Variants in PTK2B observed in about 807,000 individuals in gnomAD.
The protein encoded by PTK2B is protein tyrosine kinase 2 beta.
Under a neutral mutation model 142.9 loss-of-function variants are expected in PTK2B, and 71 were observed. The ratio of observed to expected loss-of-function variants is 0.50; its 90% confidence interval spans 0.41 to 0.61. The LOEUF (loss-of-function observed/expected upper bound fraction) is 0.61. Among genes scored for constraint, PTK2B ranks in the 20% least tolerant of loss-of-function variants. The probability of loss-of-function intolerance (pLI) is 0.00; values close to 1 mark genes in which losing one functional copy is unlikely to be tolerated. For missense variants in PTK2B, 1,105 were observed against 1,320.4 expected (o/e 0.84, Z 2.53); for synonymous variants, 519 against 503.4 (o/e 1.03, Z -0.42).
chr8:27,451,814 T>C, intron 27 of PTK2B: 2 of 1,263,828 alleles, frequency 1.6e-6, no homozygotes, highest in South Asian at 3.9e-5. Context: ...CCTCATTTCC[T>C]GCTCTGTTGG....
intron 1 of PTK2B, among the ~76,000 whole-genome samples, chr8:27,369,441 G>T (rs191934977): frequency 1.3e-5 from 2 of 152,128 alleles, no homozygotes; most frequent in Admixed American, 6.5e-5. Context: ...AGGCCGAGGA[G>T]GGTGGATCAC....
rs189404707 is a variant in PTK2B at position 27,329,225 on chromosome 8, C to T, written c.-38+3544C>T. On this transcript the variant is annotated intron_variant, in intron 1 of 30. Transcript: ENST00000346049. The stretch of plus-strand genomic sequence containing the variant: ...TGCTAGGATTACAGGTGTGAGCCAC[C>T]GCGTCTGGCTGTATGCAATCTTTCT... 1.8e-4 allele frequency among the ~76,000 whole-genome samples: 27 copies of T among 152,150 alleles called. No homozygotes were observed. In the South Asian group the frequency reaches 2.7e-3, roughly 15 times the overall value.
chr8:27,452,755 C>T (rs770909179), intron 27 of PTK2B: 1 of 272,922 alleles, frequency 3.7e-6, no homozygotes, highest in East Asian at 7.0e-5. Flanking sequence ...GCACCACAGA[C>T]ACCTGCTGGC....
In PTK2B at chr8:27,459,239, C is replaced by T. The variant is rs1053374976; in HGVS notation, c.*730C>T. ...TCTTTCTCTTTCTTCCTTTACTTTC[C>T]CTTGCTTTTCCCTCTTTTCTTACTC... On this transcript the variant is annotated 3_prime_UTR_variant, in exon 31 of 31. Transcript: ENST00000346049. 5 of 233,804 alleles carry T rather than the reference C, an allele frequency of 2.1e-5. No individual in the cohort carries two copies. Among genetic ancestry groups the T allele is most frequent in the Non-Finnish European group, 3.4e-5 (4 of 118,566 alleles). 14.5% of individuals were successfully genotyped at this position (233,804 alleles called of 1,614,324 possible).
intron 1 of PTK2B, among the ~76,000 whole-genome samples, chr8:27,383,700 G>A (rs1208161748): frequency 6.6e-6 from 1 of 151,828 alleles, no homozygotes; most frequent in Non-Finnish European, 1.5e-5. Context: ...GTTTAGTTTT[G>A]TTTTAGATAA....
intron 2 of PTK2B, among the ~76,000 whole-genome samples, chr8:27,401,414 CTTTG>C (rs1001826777): frequency 8.5e-5 from 13 of 152,248 alleles, no homozygotes; most frequent in Middle Eastern, 6.8e-3. Flanking sequence ...CAGGAATCAT[CTTTG>C]TTTGGGCAAT....
chr8:27,333,207 C>T (rs1304407163), intron 1 of PTK2B, among the ~76,000 whole-genome samples: 2 of 152,120 alleles, frequency 1.3e-5, no homozygotes, highest in East Asian at 3.9e-4. Context: ...GTTTGAGTGA[C>T]TCATTTTGGG....
intron 1 of PTK2B, among the ~76,000 whole-genome samples, chr8:27,371,075 T>C (rs1211689169): frequency 1.3e-5 from 2 of 152,146 alleles, no homozygotes; most frequent in Non-Finnish European, 2.9e-5. Flanking sequence ...TTTATATTTT[T>C]AGTAGAGACC....
At chr8:27,321,259 G>T (rs1185852625), upstream of PTK2B, among the ~76,000 whole-genome samples, 3 of 152,054 alleles carry the variant, frequency 2.0e-5, no homozygotes, top group Non-Finnish European at 4.4e-5. Flanking sequence ...GCCTCTCAAA[G>T]TGTTTGGATT....
At chr8:27,405,899 G>T (rs1449752427) in intron 2 of PTK2B, among the ~76,000 whole-genome samples, 1 of 152,226 alleles carries the variant, frequency 6.6e-6, no homozygotes, top group Non-Finnish European at 1.5e-5. Context: ...TCCCTTACAT[G>T]TGTTGCAAAC....
chr8:27,333,949 C>T (rs150000857), intron 1 of PTK2B, among the ~76,000 whole-genome samples: 3 of 152,196 alleles, frequency 2.0e-5, no homozygotes, highest in Non-Finnish European at 4.4e-5. Flanking sequence ...AATTAAACTC[C>T]TCCTTTTCTC....
intron 1 of PTK2B, among the ~76,000 whole-genome samples, chr8:27,333,143 G>T (rs1803860168): frequency 1.3e-5 from 2 of 152,184 alleles, no homozygotes; most frequent in African/African-American, 2.4e-5. Flanking sequence ...AACTTGAGAT[G>T]GTGGCTGTAG....
In PTK2B at chr8:27,397,649, C is replaced by A; in HGVS notation, c.65C>A (p.Pro22His). The change falls in exon 2 of 31, where the codon CCT becomes CAT. Residue 22 changes from proline to histidine, a missense_variant. By Grantham distance (77) the Pro-to-His change is moderately conservative. Coordinates refer to ENST00000346049, the MANE Select transcript of PTK2B (RefSeq NM_173176.3). ...GGCACGTTACGCCGGCCTGAAGGCCCTGCAGAGCCCATGGTGGTGGTACCA... is the reference window on the plus strand; with the variant it reads ...GGCACGTTACGCCGGCCTGAAGGCCATGCAGAGCCCATGGTGGTGGTACCA... ...KLGTLRRPEG[P>H]AEPMVVVPVD... 6.2e-7 allele frequency: 1 copy of A among 1,614,262 alleles called. No homozygotes were observed. Among genetic ancestry groups the A allele is most frequent in the Non-Finnish European group, 8.5e-7 (1 of 1,180,046 alleles).
chr8:27,366,378 G>A (rs1806020111), intron 1 of PTK2B, among the ~76,000 whole-genome samples: 1 of 152,180 alleles, frequency 6.6e-6, no homozygotes, highest in South Asian at 2.1e-4. Context: ...TGTCTCCTAT[G>A]TGTACAAAGC....
At chr8:27,450,615 C>T (rs1811743038) in intron 24 of PTK2B, 134 bp from the exon 25 acceptor site, 2 of 1,147,032 alleles carry the variant, frequency 1.7e-6, no homozygotes, top group Admixed American at 5.2e-5. Context: ...GGTTTAAGAA[C>T]AAACTTATGA....
chr8:27,341,880 T>C (rs1054358165), intron 1 of PTK2B, among the ~76,000 whole-genome samples: 2 of 152,152 alleles, frequency 1.3e-5, no homozygotes, highest in Admixed American at 6.5e-5. Flanking sequence ...CTTGCTCTGT[T>C]GCCCAGGCTG....
At chr8:27,419,254 G>A (rs1477643881) in intron 2 of PTK2B, among the ~76,000 whole-genome samples, 1 of 152,178 alleles carries the variant, frequency 6.6e-6, no homozygotes, top group Non-Finnish European at 1.5e-5. Flanking sequence ...TTGTGTCCTT[G>A]CTCATGTGGG....
At chr8:27,418,635 T>G (rs1809550678) in intron 2 of PTK2B, among the ~76,000 whole-genome samples, 1 of 152,214 alleles carries the variant, frequency 6.6e-6, no homozygotes. Flanking sequence ...GTCGGTGCCT[T>G]CGGGTTTTTA....
chr8:27,337,483 G>T (rs1410295957), intron 1 of PTK2B, among the ~76,000 whole-genome samples: 1 of 152,096 alleles, frequency 6.6e-6, no homozygotes, highest in Non-Finnish European at 1.5e-5. Context: ...ACTCCAAAAA[G>T]AAACCCCCGT....
Sources: allele counts gnomAD v4.1 joint callset (sites outside exome capture counted in the v4.1 genomes callset), GRCh38; gene constraint gnomAD v4.1.1; transcripts MANE v1.5; gene names NCBI Gene and HGNC (gene_info 2026-07-23, HGNC 2026-07-21).